The following DYRK1A variants were observed in gnomAD, a reference collection of about 807,000 sequenced individuals.
DYRK1A encodes dual specificity tyrosine-phosphorylation-regulated kinase 1A.
Under a neutral mutation model 79.7 loss-of-function variants are expected in DYRK1A, and 9 were observed. That is an observed-to-expected ratio of 0.11 (90% CI 0.07 to 0.20). DYRK1A has a LOEUF of 0.20. DYRK1A is among the 10% of genes least tolerant of loss of function. The probability of loss-of-function intolerance (pLI) is 1.00; values close to 1 mark genes in which losing one functional copy is unlikely to be tolerated. For missense variants in DYRK1A, 622 were observed against 956.0 expected, an observed-to-expected ratio of 0.65 and a Z score of 4.61; for synonymous variants, 349 against 329.7, an observed-to-expected ratio of 1.06 and a Z score of -0.63.
rs1005846262 is a variant in DYRK1A at position 37,473,930 on chromosome 21, C to A, written c.207+1050C>A. ...AGTTTAGGAAGTGTTTAATTGTGTA[C>A]CAGAAGAAAACTGCCTGGAAATCTA... is the stretch of plus-strand genomic sequence containing the variant. On this transcript the variant is annotated intron_variant, in intron 3 of 11. Transcript: ENST00000647188. 2.0e-5 allele frequency among the ~76,000 whole-genome samples: 3 copies of A among 152,112 alleles called. No homozygotes were observed. In the South Asian group the frequency reaches 6.2e-4, roughly 32 times the overall value.
At position 37,473,696 on chromosome 21, in the gene DYRK1A, C is replaced by A. The variant is rs558781281; in HGVS notation, c.207+816C>A. On this transcript the variant is annotated intron_variant, in intron 3 of 11. Transcript: ENST00000647188. Reference sequence around the variant, plus strand: ...AGAGTTGGGAGATTTAAAAGTATGTCTTTTCCTGGTGTCTTGTTTATATTA... The same window carrying A: ...AGAGTTGGGAGATTTAAAAGTATGTATTTTCCTGGTGTCTTGTTTATATTA... Among the ~76,000 whole-genome samples the A allele has an allele frequency of 4.6e-5, 7 of 152,198 alleles. No individual in the cohort carries two copies. In the East Asian group the frequency reaches 1.4e-3, roughly 29 times the overall value.
intron 7 of DYRK1A, among the ~76,000 whole-genome samples, chr21:37,491,494 C>G (rs2053094326): frequency 6.6e-6 from 1 of 152,076 alleles, no homozygotes; most frequent in African/African-American, 2.4e-5. Context: ...CTGTCCCGTC[C>G]TACTTTTGTC....
At chr21:37,427,629 TC>T (rs955660581) in intron 2 of DYRK1A, among the ~76,000 whole-genome samples, 22 of 152,336 alleles carry the variant, frequency 1.4e-4, no homozygotes, top group African/African-American at 5.3e-4. Flanking sequence ...TGCCTTAGGT[TC>T]AATTCCTAGA....
intron 9 of DYRK1A, among the ~76,000 whole-genome samples, 177 bp downstream of exon 9, chr21:37,496,435 A>G (rs2053272007): frequency 6.6e-6 from 1 of 152,228 alleles, no homozygotes; most frequent in Non-Finnish European, 1.5e-5. Flanking sequence ...ACTATCAGGT[A>G]TGGACCAGTG....
intron 2 of DYRK1A, among the ~76,000 whole-genome samples, chr21:37,467,765 C>T (rs1264332515): frequency 6.6e-6 from 1 of 152,158 alleles, no homozygotes; most frequent in Non-Finnish European, 1.5e-5. Flanking sequence ...ATGTTGAAAG[C>T]TTTCTTTCTA....
At chr21:37,389,555 G>A (rs1025528112) in intron 1 of DYRK1A, among the ~76,000 whole-genome samples, 3 of 152,064 alleles carry the variant, frequency 2.0e-5, no homozygotes, top group Non-Finnish European at 4.4e-5. Context: ...CCATCATAGC[G>A]TTGTCTCAGT....
At chr21:37,462,526 G>C (rs1298440922) in intron 2 of DYRK1A, among the ~76,000 whole-genome samples, 1 of 152,176 alleles carries the variant, frequency 6.6e-6, no homozygotes, top group Non-Finnish European at 1.5e-5. Context: ...TAGTTATTCA[G>C]TTCACAGTTC....
intron 2 of DYRK1A, chr21:37,430,531 C>A: frequency 2.3e-6 from 1 of 437,668 alleles, no homozygotes; most frequent in Non-Finnish European, 3.0e-6. Flanking sequence ...AACTCAAGAG[C>A]CAGAGTCCTC....
chr21:37,369,044 C>T (rs1358929725), intron 1 of DYRK1A, among the ~76,000 whole-genome samples: 1 of 152,076 alleles, frequency 6.6e-6, no homozygotes, highest in Non-Finnish European at 1.5e-5. Flanking sequence ...TTTTGTACTT[C>T]AAACAATTTT....
chr21:37,415,176 G>C (rs1602439124), intron 1 of DYRK1A, among the ~76,000 whole-genome samples: 3 of 152,238 alleles, frequency 2.0e-5, no homozygotes, highest in African/African-American at 4.8e-5. Flanking sequence ...TGAGTTGATG[G>C]TTGAGATAGC....
At chr21:37,502,391 A>G (rs1227916359) in intron 9 of DYRK1A, 2 of 151,502 alleles carry the variant, frequency 1.3e-5, no homozygotes, top group East Asian at 3.9e-4. Flanking sequence ...ATTTTATTTT[A>G]TCTCTTGTAC....
intron 1 of DYRK1A, among the ~76,000 whole-genome samples, chr21:37,386,470 G>A (rs1484440723): frequency 6.6e-6 from 1 of 152,148 alleles, no homozygotes; most frequent in African/African-American, 2.4e-5. Context: ...AGGGTTTTAG[G>A]GGATCTTTGC....
At chr21:37,486,637 C>T (rs761773880) in intron 6 of DYRK1A, 23 bp downstream of exon 6, 2 of 1,485,256 alleles carry the variant, frequency 1.3e-6, no homozygotes, top group East Asian at 5.2e-5. Flanking sequence ...GCAAACAGCG[C>T]AGTGTGCCCC....
intron 1 of DYRK1A, among the ~76,000 whole-genome samples, chr21:37,406,953 T>C (rs1276339140): frequency 2.7e-5 from 4 of 145,604 alleles, no homozygotes; most frequent in Non-Finnish European, 6.1e-5. Context: ...TTTTTTTTTT[T>C]AAAGTCATCT....
chr21:37,511,402 A>G (rs2053745144), intron 11 of DYRK1A, among the ~76,000 whole-genome samples: 1 of 152,192 alleles, frequency 6.6e-6, no homozygotes, highest in Non-Finnish European at 1.5e-5. Context: ...GCAAGAGATG[A>G]TGGGGATGAA....
Position 37,465,318 on chromosome 21 carries a change from G to T in DYRK1A, c.11-7366G>T, listed in dbSNP as rs56370203. On this transcript the variant is annotated intron_variant, in intron 2 of 11. Transcript: ENST00000647188. ...ATTCTTTGTCACCTAGCATATCACC[G>T]TTATGCATGGGAATGTGTATTATTC... Among the ~76,000 whole-genome samples, 770 of 152,194 alleles carry T rather than the reference G, an allele frequency of 5.1e-3. 3 individuals carry two copies. The highest frequency in any genetic ancestry group is 7.8e-3 in the Non-Finnish European group (533 of 68,010).
At chr21:37,438,173 C>T (rs1227719170) in intron 2 of DYRK1A, among the ~76,000 whole-genome samples, 2 of 151,942 alleles carry the variant, frequency 1.3e-5, no homozygotes, top group African/African-American at 2.4e-5. Context: ...ATTCTTTTTT[C>T]GGTTATTGAG....
chr21:37,388,582 T>A (rs2049808038), intron 1 of DYRK1A, among the ~76,000 whole-genome samples: 1 of 152,138 alleles, frequency 6.6e-6, no homozygotes, highest in African/African-American at 2.4e-5. Flanking sequence ...TTTAACAGTT[T>A]ATTTTAATCA....
At chr21:37,472,463 AT>A (rs1310404291) in intron 2 of DYRK1A, among the ~76,000 whole-genome samples, 1 of 152,158 alleles carries the variant, frequency 6.6e-6, no homozygotes. Flanking sequence ...TTTTCTGAAG[AT>A]TTTCTCAATA....
Sources: gnomAD v4.1 joint callset for allele counts (sites outside exome capture counted in the v4.1 genomes callset) on GRCh38, gnomAD v4.1.1 for gene constraint, MANE v1.5 for transcripts, NCBI Gene and HGNC (gene_info 2026-07-23, HGNC 2026-07-21) for gene names.